The following PCDHGA2 variants were observed in gnomAD, a reference collection of about 807,000 sequenced individuals.
The protein encoded by PCDHGA2 is protocadherin gamma-A2.
Under a neutral mutation model 59.2 loss-of-function variants are expected in PCDHGA2, and 40 were observed. That is an observed-to-expected ratio of 0.68 (90% confidence interval 0.52 to 0.88). The LOEUF (loss-of-function observed/expected upper bound fraction) is 0.88, where lower values mean the gene tolerates loss of function less well. Among genes scored for constraint, PCDHGA2 ranks in the 40% least tolerant of loss-of-function variants. The pLI, the probability that PCDHGA2 is intolerant of heterozygous loss-of-function variation, is 0.00. For missense variants in PCDHGA2, 1,226 were observed against 1,204.0 expected (o/e 1.02, Z -0.27); for synonymous variants, 560 against 526.0 (o/e 1.06, Z -0.89).
chr5:141,375,832 G>T, intron 1 of PCDHGA2: 1 of 1,614,146 alleles, frequency 6.2e-7, no homozygotes, highest in Non-Finnish European at 8.5e-7. Flanking sequence ...GCTCCGCAGA[G>T]CCCGGCTACC....
Position 141,338,977 on chromosome 5 carries a change from G to T in PCDHGA2, c.6G>T (p.Ala2=). Residue 2 remains alanine, a synonymous_variant, in exon 1 of 4, where the codon GCG becomes GCT. Transcript: ENST00000394576. The part of the protein sequence containing the change: M[A]ALQKLPHCRK... ...AAAATTGCGACAGGAGGGAAATGGCGGCTCTGCAAAAGTTGCCACACTGCA... is the reference window on the plus strand; with the variant it reads ...AAAATTGCGACAGGAGGGAAATGGCTGCTCTGCAAAAGTTGCCACACTGCA... The T allele has an allele frequency of 1.3e-6, 2 of 1,531,718 alleles. No individual in the cohort carries two copies. Among genetic ancestry groups the T allele is most frequent in the Non-Finnish European group, 1.8e-6 (2 of 1,139,106 alleles). The allele number at this position is 1,531,718 out of a possible 1,614,324, so 94.9% of individuals were successfully genotyped here.
chr5:141,428,223 A>C (rs539110667), intron 1 of PCDHGA2: 30 of 1,169,680 alleles, frequency 2.6e-5, no homozygotes, highest in Admixed American at 2.5e-4. Flanking sequence ...TAGTCTTCGC[A>C]GACAGCCTGC....
At chr5:141,390,447 G>C (rs941574561) in intron 1 of PCDHGA2, 12 of 843,730 alleles carry the variant, frequency 1.4e-5, no homozygotes, top group Admixed American at 2.9e-5. Flanking sequence ...TACAAAGGAG[G>C]AGTAAAGTAG....
At chr5:141,393,097 T>C in intron 1 of PCDHGA2, 1 of 1,613,608 alleles carries the variant, frequency 6.2e-7, no homozygotes, top group South Asian at 1.1e-5. Context: ...CGGGAGGAGC[T>C]CTGCGCTCAG....
intron 1 of PCDHGA2, chr5:141,360,561 T>A: frequency 6.2e-7 from 1 of 1,613,992 alleles, no homozygotes; most frequent in South Asian, 1.1e-5. Context: ...ATTTAAAAAT[T>A]GGCGAATCCA....
At chr5:141,475,987 C>A in intron 1 of PCDHGA2, 2 of 1,101,540 alleles carry the variant, frequency 1.8e-6, no homozygotes, top group Non-Finnish European at 2.6e-6. Flanking sequence ...AGCCGGCGAG[C>A]AAATCAACGG....
At chr5:141,357,005 C>T in intron 1 of PCDHGA2, 1 of 1,614,148 alleles carries the variant, frequency 6.2e-7, no homozygotes, top group Non-Finnish European at 8.5e-7. Flanking sequence ...GGTCAGAATG[C>T]CTGGCTGTCC....
chr5:141,423,156 C>G, intron 1 of PCDHGA2: 1 of 1,613,388 alleles, frequency 6.2e-7, no homozygotes, highest in Non-Finnish European at 8.5e-7. Flanking sequence ...AGCAGAGCCT[C>G]GTGGTGGCCG....
At chr5:141,463,417 G>A (rs548514637) in intron 1 of PCDHGA2, among the ~76,000 whole-genome samples, 1 of 146,650 alleles carries the variant, frequency 6.8e-6, no homozygotes, top group South Asian at 2.2e-4. Context: ...ATCCTAGTTT[G>A]CGGATCCTCA....
chr5:141,451,216 A>G (rs1561943760), intron 1 of PCDHGA2, among the ~76,000 whole-genome samples: 1 of 152,204 alleles, frequency 6.6e-6, no homozygotes, highest in Non-Finnish European at 1.5e-5. Context: ...TTAGTGGCTT[A>G]AAAGAAGCAT....
chr5:141,469,296 A>T (rs2099196287), intron 1 of PCDHGA2, among the ~76,000 whole-genome samples: 1 of 149,742 alleles, frequency 6.7e-6, no homozygotes, highest in Non-Finnish European at 1.5e-5. Context: ...AACAAAATAG[A>T]CTGGGCACGA....
intron 1 of PCDHGA2, among the ~76,000 whole-genome samples, chr5:141,450,112 T>G (rs2098669735): frequency 6.6e-6 from 1 of 150,618 alleles, no homozygotes; most frequent in Non-Finnish European, 1.5e-5. Context: ...GTTCAAATGA[T>G]TCTCCTGCCT....
chr5:141,478,372 G>A (rs778468803), intron 1 of PCDHGA2: 2 of 1,613,704 alleles, frequency 1.2e-6, no homozygotes, highest in Non-Finnish European at 8.5e-7. Flanking sequence ...GAGGCCTGAT[G>A]TCGCCGCACC....
At chr5:141,350,721 C>T (rs1459818377) in intron 1 of PCDHGA2, 2 of 1,613,972 alleles carry the variant, frequency 1.2e-6, no homozygotes, top group Non-Finnish European at 1.7e-6. Flanking sequence ...CTGGATTCTG[C>T]TCAAGATGCA....
chr5:141,463,814 C>T (rs1359662651), intron 1 of PCDHGA2, among the ~76,000 whole-genome samples: 7 of 152,188 alleles, frequency 4.6e-5, no homozygotes, highest in African/African-American at 1.7e-4. Flanking sequence ...GCTTTTATCA[C>T]ACATTTTGAT....
intron 1 of PCDHGA2, chr5:141,408,648 G>A: frequency 2.5e-6 from 4 of 1,613,922 alleles, no homozygotes; most frequent in South Asian, 2.2e-5. Flanking sequence ...GCATCCGCTG[G>A]TACACGACTA....
intron 1 of PCDHGA2, chr5:141,410,320 C>G (rs752279818): frequency 8.1e-6 from 13 of 1,613,880 alleles, no homozygotes; most frequent in African/African-American, 2.7e-5. Context: ...TCCTCCTCGC[C>G]GTGATTCTGG....
chr5:141,458,385 C>T (rs1371423838), intron 1 of PCDHGA2, among the ~76,000 whole-genome samples: 15 of 152,104 alleles, frequency 9.9e-5, no homozygotes, highest in East Asian at 1.9e-4. Context: ...AGAAGGAAGA[C>T]GCTCCCCCTT....
intron 1 of PCDHGA2, chr5:141,346,615 C>A: frequency 9.2e-7 from 1 of 1,090,428 alleles, no homozygotes; most frequent in Non-Finnish European, 1.3e-6. Context: ...TATAGTAGGA[C>A]TGCACTCCCC....
Sources: gnomAD v4.1 joint callset for allele counts (sites outside exome capture counted in the v4.1 genomes callset) on GRCh38, gnomAD v4.1.1 for gene constraint, MANE v1.5 for transcripts, NCBI Gene and HGNC (gene_info 2026-07-23, HGNC 2026-07-21) for gene names.